Variants in PSMD1 observed in about 807,000 individuals in gnomAD.
PSMD1 encodes the protein proteasome 26S subunit, non-ATPase 1, also known as 26S proteasome non-ATPase regulatory subunit 1.
Under a neutral mutation model 119.0 loss-of-function variants are expected in PSMD1, and 18 were observed. The ratio of observed to expected loss-of-function variants is 0.15; its 90% CI spans 0.10 to 0.22. The LOEUF is 0.22. PSMD1 is among the 10% of genes least tolerant of loss of function. The pLI, the probability that PSMD1 is intolerant of heterozygous loss-of-function variation, is 1.00. For missense variants in PSMD1, 702 were observed against 1,158.5 expected, an observed-to-expected ratio of 0.61 and a Z score of 5.72; for synonymous variants, 374 against 396.6, an observed-to-expected ratio of 0.94 and a Z score of 0.68.
chr2:231,065,385 C>T (rs1439509462), intron 4 of PSMD1, among the ~76,000 whole-genome samples: 45 of 151,750 alleles, frequency 3.0e-4, no homozygotes, highest in Non-Finnish European at 2.9e-5. Context: ...CTCCACCTCC[C>T]GGGTTCACGC....
rs544471094 is a variant in PSMD1 at position 231,162,278 on chromosome 2, G to A, written c.2388+769G>A. On this transcript the variant is annotated intron_variant, in intron 20 of 24. Coordinates refer to ENST00000308696, the MANE Select transcript of PSMD1 (RefSeq NM_002807.4). ...GACCTTTAAATAACTCTTACATCTG[G>A]TCATCACTGTTGAAATGTTCTACTA... is the stretch of plus-strand genomic sequence containing the variant. 2.6e-5 allele frequency among the ~76,000 whole-genome samples: 4 copies of A among 152,232 alleles called. No homozygotes were observed. The South Asian group carries it at 8.3e-4, about 32-fold the overall frequency.
At chr2:231,113,990 A>G (rs963193848) in intron 16 of PSMD1, 5 of 1,340,502 alleles carry the variant, frequency 3.7e-6, no homozygotes, top group African/African-American at 2.9e-5. Context: ...TTCAGTCTAC[A>G]GTTTTTCAGG....
chr2:231,151,768 C>A (rs1030201381), intron 18 of PSMD1, among the ~76,000 whole-genome samples: 1 of 148,210 alleles, frequency 6.7e-6, no homozygotes. Flanking sequence ...AGGAACTTGA[C>A]TTGTCGAACC....
chr2:231,074,168 G>A (rs750962946), intron 7 of PSMD1, among the ~76,000 whole-genome samples: 1 of 152,082 alleles, frequency 6.6e-6, no homozygotes, highest in Non-Finnish European at 1.5e-5. Flanking sequence ...ACAGTGGCAC[G>A]ATCTCAGCTC....
intron 16 of PSMD1, chr2:231,113,770 G>A (rs1188652491): frequency 6.2e-7 from 1 of 1,614,088 alleles, no homozygotes; most frequent in Non-Finnish European, 8.5e-7. Context: ...GATGAATGCT[G>A]TAGCCCGTGA....
chr2:231,056,893 C>T lies in PSMD1; in HGVS notation c.-133C>T, dbSNP rs1693603767. On this transcript the variant is annotated 5_prime_UTR_variant, in exon 1 of 25. Transcript: ENST00000308696. ...TCCTGGCGAGAAGCGAGCCGGCGGC[C>T]TGAGGAGGCGACTGACTGAGCAGCG... 1 of 1,268,276 alleles carries T rather than the reference C, an allele frequency of 7.9e-7. No individual in the cohort carries two copies. The highest frequency in any genetic ancestry group is 2.4e-4 in the Middle Eastern group (1 of 4,094). The allele number at this position is 1,268,276 out of a possible 1,614,324, so 78.6% of individuals were successfully genotyped here.
chr2:231,164,136 TC>T (rs1438287081), intron 21 of PSMD1, among the ~76,000 whole-genome samples: 5 of 152,222 alleles, frequency 3.3e-5, no homozygotes, highest in African/African-American at 1.2e-4. Context: ...ACCAGTTTTT[TC>T]TTTGATATTC....
intron 19 of PSMD1, among the ~76,000 whole-genome samples, chr2:231,158,553 G>A (rs892211407): frequency 3.3e-5 from 5 of 152,130 alleles, no homozygotes; most frequent in South Asian, 2.1e-4. Context: ...TTCGAAGTCC[G>A]AAGAAGATAG....
chr2:231,103,933 G>A (rs1236274676), intron 16 of PSMD1, among the ~76,000 whole-genome samples: 1 of 152,126 alleles, frequency 6.6e-6, no homozygotes, highest in Non-Finnish European at 1.5e-5. Flanking sequence ...TAAAAAATGA[G>A]AAAATGGTCT....
rs1164462220 is a variant in PSMD1, at chr2:231,085,016, T to C, written c.1723-3T>C. On this transcript the variant is annotated splice_region_variant and splice_polypyrimidine_tract_variant and intron_variant, in intron 14 of 24. Coordinates refer to ENST00000308696, the MANE Select transcript of PSMD1 (RefSeq NM_002807.4). ...ATGATTAATGTTAAATTATTTTTCTTAGGACCCAATTCTTCGAAGGTCTGG... is the reference window on the plus strand; with the variant it reads ...ATGATTAATGTTAAATTATTTTTCTCAGGACCCAATTCTTCGAAGGTCTGG... The C allele has an allele frequency of 5.0e-6, 8 of 1,609,838 alleles. No homozygotes were observed. The highest frequency in any genetic ancestry group is 1.3e-5 in the African/African-American group (1 of 74,842).
In PSMD1 at chr2:231,143,138, G is replaced by GT. The variant is rs554115103; in HGVS notation, c.1999-3101dup. Among the ~76,000 whole-genome samples, 1,087 of 150,660 alleles carry GT rather than the reference G, an allele frequency of 7.2e-3. 24 individuals carry two copies. Among genetic ancestry groups the GT allele is most frequent in the African/African-American group, 0.025 (1,043 of 40,978 alleles). On this transcript the variant is annotated intron_variant, in intron 17 of 24. Transcript: ENST00000308696. ...TTTTTGTTGTTTTTCTTGTTGTTTT[G>GT]TATTTTTTTTTTAACTCTAATCTCA...
chr2:231,170,787 G>T lies in PSMD1; in HGVS notation c.*9+66G>T. ...AATACTTCACAAATGTTTTTTGCAA[G>T]GACATCATCTCACGTTTTTCCTTCC... On this transcript the variant is annotated intron_variant, in intron 24 of 24. Transcript: ENST00000308696. The surrounding 1 kb of genome is among the most constrained non-coding windows in gnomAD (Gnocchi z 4.1). The T allele has an allele frequency of 1.4e-6, 2 of 1,443,390 alleles. No homozygotes were observed. Among genetic ancestry groups the T allele is most frequent in the East Asian group, 2.4e-5 (1 of 41,460 alleles). The allele number at this position is 1,443,390 out of a possible 1,614,324, so 89.4% of individuals were successfully genotyped here. A position where few individuals can be genotyped will look rare whatever the true frequency, so the allele number is the denominator to read the frequency against.
At chr2:231,139,111 GTTTT>G (rs1180501821) in intron 17 of PSMD1, 30 of 478,120 alleles carry the variant, frequency 6.3e-5, no homozygotes, top group Non-Finnish European at 1.0e-4. Flanking sequence ...TGATTTCTGG[GTTTT>G]TTGTTTTTGT....
intron 17 of PSMD1, among the ~76,000 whole-genome samples, chr2:231,143,709 T>C (rs1279168236): frequency 6.6e-6 from 1 of 152,234 alleles, no homozygotes; most frequent in Non-Finnish European, 1.5e-5. Context: ...CCTAGAACCT[T>C]TGATACAGTG....
At chr2:231,092,592 C>T (rs111632896) in intron 16 of PSMD1, among the ~76,000 whole-genome samples, 3 of 152,000 alleles carry the variant, frequency 2.0e-5, no homozygotes, top group Admixed American at 1.3e-4. Context: ...CCAAATTGTA[C>T]GGGAATGAGA....
rs1281621743 is a variant in PSMD1 at position 231,138,723 on chromosome 2, T to C, written c.1884-13T>C. On this transcript the variant is annotated splice_polypyrimidine_tract_variant and intron_variant, in intron 16 of 24. Coordinates refer to ENST00000308696, the MANE Select transcript of PSMD1 (RefSeq NM_002807.4). ...TACCTATAACAGTGGCTTCGCTTTC[T>C]GTTTCTTATCAGAACCCCTGAACAG... 1 of 1,597,342 alleles carries C rather than the reference T, an allele frequency of 6.3e-7. No homozygotes were observed. Among genetic ancestry groups the C allele is most frequent in the African/African-American group, 1.3e-5 (1 of 74,550 alleles).
chr2:231,161,576 C>A lies in PSMD1; in HGVS notation c.2388+67C>A, dbSNP rs540543153. The A allele has an allele frequency of 5.8e-5, 83 of 1,430,820 alleles. No homozygotes were observed. In the East Asian group the frequency reaches 1.8e-3, roughly 31 times the overall value. The allele number at this position is 1,430,820 out of a possible 1,614,324, so 88.6% of individuals were successfully genotyped here. ...CCGTATCTTATTCATATTTACCGCCCACTTGCAAGGATTTCCATTAAATTT... is the reference window on the plus strand; with the variant it reads ...CCGTATCTTATTCATATTTACCGCCAACTTGCAAGGATTTCCATTAAATTT... On this transcript the variant is annotated intron_variant, in intron 20 of 24. Transcript: ENST00000308696.
chr2:231,162,312 G>A (rs1696660260), intron 20 of PSMD1, among the ~76,000 whole-genome samples: 1 of 152,208 alleles, frequency 6.6e-6, no homozygotes, highest in Non-Finnish European at 1.5e-5. Context: ...TAAATTTTCA[G>A]AGTGGAAAAG....
chr2:231,068,089 G>A (rs1693949931), intron 5 of PSMD1, among the ~76,000 whole-genome samples: 3 of 152,106 alleles, frequency 2.0e-5, no homozygotes. Flanking sequence ...GTCCAGTTCT[G>A]TTGTTAATCT....
Sources: allele counts gnomAD v4.1 joint callset (sites outside exome capture counted in the v4.1 genomes callset), GRCh38; gene constraint gnomAD v4.1.1; non-coding constraint Gnocchi (gnomAD v3.1); transcripts MANE v1.5; gene names NCBI Gene and HGNC (gene_info 2026-07-23, HGNC 2026-07-21).